Variants in HSPH1 observed in about 807,000 individuals in gnomAD.
HSPH1 encodes the protein heat shock protein family H (Hsp110) member 1.
A neutral mutation model predicts 100.0 loss-of-function variants in HSPH1; 40 were observed. The ratio of observed to expected loss-of-function variants is 0.40; its 90% CI spans 0.31 to 0.52. The LOEUF (loss-of-function observed/expected upper bound fraction) is 0.52, where lower values mean the gene tolerates loss of function less well. Ranked by LOEUF, HSPH1 falls within the 20% of genes least tolerant of loss-of-function variation. HSPH1 has a pLI of 0.54. For synonymous variants in HSPH1, 403 were observed against 344.0 expected (o/e 1.17, Z -1.90); for missense variants, 876 against 1,015.1 (o/e 0.86, Z 1.86).
upstream of HSPH1, chr13:31,162,083 C>G: frequency 1.3e-6 from 2 of 1,536,138 alleles, no homozygotes; most frequent in Non-Finnish European, 1.7e-6. Context: ...GGAGAACGGC[C>G]GCCGTTGCCA....
chr13:31,158,629 G>C (rs932527933), intron 2 of HSPH1, among the ~76,000 whole-genome samples, 177 bp downstream of exon 2: 1 of 151,024 alleles, frequency 6.6e-6, no homozygotes, highest in Non-Finnish European at 1.5e-5. Context: ...AAGGGAAAGG[G>C]AACAGAAAGG....
intron 1 of HSPH1, among the ~76,000 whole-genome samples, chr13:31,159,615 A>G (rs1956824279): frequency 6.6e-6 from 1 of 152,158 alleles, no homozygotes; most frequent in Non-Finnish European, 1.5e-5. Flanking sequence ...AAGGTAAGTG[A>G]ATTAGGTTTT....
chr13:31,141,534 T>C (rs1439231031), intron 12 of HSPH1, among the ~76,000 whole-genome samples: 1 of 152,072 alleles, frequency 6.6e-6, no homozygotes, highest in Non-Finnish European at 1.5e-5. Context: ...AAGTCTTTAC[T>C]TTCTAAGCCC....
intron 5 of HSPH1, chr13:31,152,476 G>C (rs1457511300): frequency 1.3e-5 from 3 of 223,934 alleles, no homozygotes; most frequent in Non-Finnish European, 2.7e-5. Flanking sequence ...CTACAGTTCA[G>C]TAGATAAAAA....
At chr13:31,143,313 T>C (rs1956163374) in intron 12 of HSPH1, among the ~76,000 whole-genome samples, 1 of 152,116 alleles carries the variant, frequency 6.6e-6, no homozygotes, top group Non-Finnish European at 1.5e-5. Context: ...AAAAAATAAT[T>C]ACCTTGAAGT....
intron 11 of HSPH1, among the ~76,000 whole-genome samples, chr13:31,145,039 A>G (rs1407675160): frequency 1.3e-5 from 2 of 152,166 alleles, no homozygotes. Context: ...ACACAGAACT[A>G]GCACTCATGC....
At chr13:31,138,723 T>C (rs1227623908) in intron 16 of HSPH1, 58 bp downstream of exon 16, 11 of 1,567,922 alleles carry the variant, frequency 7.0e-6, no homozygotes, top group Non-Finnish European at 8.6e-6. Context: ...CCAGCTTAAG[T>C]GTTAGCTTAT....
chr13:31,137,006 A>G lies in HSPH1; in HGVS notation c.*312T>C. ...AAGATTTTAATCACAGCCCTCTTGAACAAGCAGTACAGTTTTTTTTCTCCA... is the reference window on the plus strand; with the variant it reads ...AAGATTTTAATCACAGCCCTCTTGAGCAAGCAGTACAGTTTTTTTTCTCCA... On this transcript the variant is annotated 3_prime_UTR_variant, in exon 18 of 18. Coordinates refer to ENST00000320027, the MANE Select transcript of HSPH1 (RefSeq NM_006644.4). 4.5e-6 allele frequency: 2 copies of G among 447,134 alleles called. No homozygotes were observed. The highest frequency in any genetic ancestry group is 3.8e-5 in the South Asian group (2 of 52,408). The allele number at this position is 447,134 out of a possible 1,614,324, so 27.7% of individuals were successfully genotyped here.
At position 31,137,530 on chromosome 13, in the gene HSPH1, GAAAACA is replaced by G. The variant is rs761119410; in HGVS notation, c.2371-12_2371-7del. The G allele has an allele frequency of 6.2e-7, 1 of 1,603,044 alleles. No homozygotes were observed. Among genetic ancestry groups the G allele is most frequent in the South Asian group, 1.1e-5 (1 of 88,982 alleles). On this transcript the variant is annotated splice_polypyrimidine_tract_variant and splice_region_variant and intron_variant, in intron 17 of 17. Transcript: ENST00000320027. ...TCACATGTGTTGTTCAATTCCTAAA[GAAAACA>G]AAAACTAGTTATCAGATTAACTCAG...
At chr13:31,147,594 G>T (rs147227947) in intron 10 of HSPH1, among the ~76,000 whole-genome samples, 38 of 152,148 alleles carry the variant, frequency 2.5e-4, no homozygotes, top group African/African-American at 8.7e-4. Flanking sequence ...GTAACAGACT[G>T]CAAATTACAC....
rs138297679 is a variant in HSPH1 at position 31,138,640 on chromosome 13, G to A, written c.2209-72C>T. 4,740 of 1,522,604 alleles carry A rather than the reference G, an allele frequency of 3.1e-3. 14 individuals are homozygous for A. Among genetic ancestry groups the A allele is most frequent in the Non-Finnish European group, 3.4e-3 (3,853 of 1,131,264 alleles). The allele number at this position is 1,522,604 out of a possible 1,614,324, so 94.3% of individuals were successfully genotyped here. Reference sequence around the variant, plus strand: ...GTATCTCATTTGACTCAACTTTCCAGGAAGCTCAAGTTCAAATCTACCTCT... The same window carrying A: ...GTATCTCATTTGACTCAACTTTCCAAGAAGCTCAAGTTCAAATCTACCTCT... On this transcript the variant is annotated intron_variant, in intron 16 of 17. Transcript: ENST00000320027.
chr13:31,145,857 T>C (rs533856600), intron 10 of HSPH1, 89 bp from the exon 11 acceptor site: 5 of 1,219,944 alleles, frequency 4.1e-6, no homozygotes, highest in African/African-American at 1.5e-5. Flanking sequence ...GGGTGGTTCA[T>C]GTCTGTAATC....
At position 31,135,565 on chromosome 13, in the gene HSPH1, T is replaced by C. The variant is rs1213532326; in HGVS notation, c.*1753A>G. ...ATTCCAATATTACAAATGAGTACAA[T>C]ATGCAATGCATGAAAAATAAGCCAA... On this transcript the variant is annotated 3_prime_UTR_variant, in exon 18 of 18. Coordinates refer to ENST00000320027, the MANE Select transcript of HSPH1 (RefSeq NM_006644.4). 7 of 152,228 alleles carry C rather than the reference T, an allele frequency of 4.6e-5. No homozygotes were observed. Among genetic ancestry groups the C allele is most frequent in the Non-Finnish European group, 1.0e-4 (7 of 68,036 alleles). The allele number at this position is 152,228 out of a possible 1,614,324, so 9.4% of individuals were successfully genotyped here. A position where few individuals can be genotyped will look rare whatever the true frequency, so the allele number is the denominator to read the frequency against.
At chr13:31,140,654 C>G in intron 13 of HSPH1, 1 of 179,230 alleles carries the variant, frequency 5.6e-6, no homozygotes, top group South Asian at 1.7e-4. Flanking sequence ...CAATGTATAA[C>G]AGTCACACCA....
At chr13:31,150,323 A>C in intron 7 of HSPH1, 141 bp from the exon 8 acceptor site, 1 of 599,500 alleles carries the variant, frequency 1.7e-6, no homozygotes, top group South Asian at 2.2e-5. Flanking sequence ...TGTAGTTTAT[A>C]GCTCTTTTGT....
intron 8 of HSPH1, among the ~76,000 whole-genome samples, chr13:31,149,396 T>C (rs1316832340): frequency 6.6e-6 from 1 of 152,184 alleles, no homozygotes; most frequent in African/African-American, 2.4e-5. Context: ...ATCTTGACTA[T>C]AATATCCTAA....
At chr13:31,152,593 G>C (rs769922449) in intron 5 of HSPH1, 2 of 256,940 alleles carry the variant, frequency 7.8e-6, no homozygotes, top group Non-Finnish European at 1.5e-5. Flanking sequence ...GCAATGTAAG[G>C]AAACAAAGCT....
chr13:31,145,051 AATG>A (rs1355998693), intron 11 of HSPH1, among the ~76,000 whole-genome samples: 1 of 152,168 alleles, frequency 6.6e-6, no homozygotes, highest in Non-Finnish European at 1.5e-5. Context: ...CACTCATGCT[AATG>A]ATGAATAACA....
At chr13:31,138,637 C>T in intron 16 of HSPH1, 69 bp from the exon 17 acceptor site, 1 of 1,526,410 alleles carries the variant, frequency 6.6e-7, no homozygotes, top group Non-Finnish European at 8.8e-7. Flanking sequence ...ACTCAACTTT[C>T]CAGGAAGCTC....
Sources: gnomAD v4.1 joint callset for allele counts (sites outside exome capture counted in the v4.1 genomes callset) on GRCh38, gnomAD v4.1.1 for gene constraint, MANE v1.5 for transcripts, NCBI Gene and HGNC (gene_info 2026-07-23, HGNC 2026-07-21) for gene names.